Variants in JAKMIP3 observed in about 807,000 individuals in gnomAD.
JAKMIP3 encodes janus kinase and microtubule-interacting protein 3.
JAKMIP3 carries 58 observed loss-of-function variants against 118.5 expected under a neutral mutation model. The observed-to-expected ratio is 0.49, with a 90% confidence interval of 0.40 to 0.61. The LOEUF is 0.61. Among genes scored for constraint, JAKMIP3 ranks in the 20% least tolerant of loss-of-function variants. JAKMIP3 has a pLI of 0.00. For missense variants in JAKMIP3, 950 were observed against 1,109.0 expected, an observed-to-expected ratio of 0.86 and a Z score of 2.04; for synonymous variants, 486 against 451.2, an observed-to-expected ratio of 1.08 and a Z score of -0.98.
chr10:132,100,783 C>G (rs974280036), intron 1 of JAKMIP3, among the ~76,000 whole-genome samples: 17 of 151,756 alleles, frequency 1.1e-4, no homozygotes, highest in African/African-American at 4.1e-4. Flanking sequence ...CCCTTTCTCT[C>G]GGCATGAGGA....
intron 2 of JAKMIP3, among the ~76,000 whole-genome samples, chr10:132,115,203 G>A (rs956724247): frequency 4.0e-5 from 4 of 99,394 alleles, no homozygotes; most frequent in Non-Finnish European, 8.5e-5. Context: ...CACCGCGATC[G>A]CGGCTAGGGG....
At position 132,180,738 on chromosome 10, in the gene JAKMIP3, C is replaced by CGCGTGT. The variant is rs1565021635; in HGVS notation, c.*1104-1618_*1104-1617insCGTGTG. On this transcript the variant is annotated intron_variant, in intron 23 of 23. Transcript: ENST00000684848. ...GTGTGTGCGTGTGTGTGCGTGTGTGCGTGCGTGCGCGCGCGTGTGTGCGTG... is the reference window on the plus strand; with the variant it reads ...GTGTGTGCGTGTGTGTGCGTGTGTGCGCGTGTGTGCGTGCGCGCGCGTGTGTGCGTG... Among the ~76,000 whole-genome samples, 14 of 7,480 alleles carry CGCGTGT rather than the reference C, an allele frequency of 1.9e-3. 2 individuals are homozygous for CGCGTGT. The highest frequency in any genetic ancestry group is 3.1e-3 in the Non-Finnish European group (12 of 3,838). The allele number at this position is 7,480 out of a possible 152,430, so 4.9% of individuals were successfully genotyped here.
chr10:132,059,665 C>A (rs943694656), intron 1 of JAKMIP3, among the ~76,000 whole-genome samples: 1 of 152,200 alleles, frequency 6.6e-6, no homozygotes, highest in African/African-American at 2.4e-5. Flanking sequence ...TCGCAGCAGG[C>A]GCTTAGTGGG....
At chr10:132,068,420 A>G (rs956399583) in intron 1 of JAKMIP3, among the ~76,000 whole-genome samples, 2 of 152,188 alleles carry the variant, frequency 1.3e-5, no homozygotes, top group Non-Finnish European at 2.9e-5. Flanking sequence ...GACACTAGCC[A>G]CTGAGATGAC....
chr10:132,119,794 A>G (rs182246616), intron 3 of JAKMIP3, among the ~76,000 whole-genome samples: 1 of 152,374 alleles, frequency 6.6e-6, no homozygotes, highest in African/African-American at 2.4e-5. Flanking sequence ...AGCAGAGGGT[A>G]TAATCATGAC....
At chr10:132,102,609 C>G (rs1268682470) in intron 1 of JAKMIP3, among the ~76,000 whole-genome samples, 3 of 152,224 alleles carry the variant, frequency 2.0e-5, no homozygotes, top group African/African-American at 7.2e-5. Flanking sequence ...CCTCGTGGTT[C>G]CTGGGTGTCT....
chr10:132,180,778 T>TGCGTGC lies in JAKMIP3; in HGVS notation c.*1104-1578_*1104-1577insCGTGCG, dbSNP rs1409189501. 7.4e-3 allele frequency among the ~76,000 whole-genome samples: 341 copies of TGCGTGC among 46,394 alleles called. 98 individuals carry two copies. The highest frequency in any genetic ancestry group is 0.02 in the African/African-American group (316 of 15,460). The allele number at this position is 46,394 out of a possible 152,430, so 30.4% of individuals were successfully genotyped here. A position where few individuals can be genotyped will look rare whatever the true frequency, so the allele number is the denominator to read the frequency against. On this transcript the variant is annotated intron_variant, in intron 23 of 23. Transcript: ENST00000684848. ...GTGTGTGCGTGTGTGTGCGTGTGTGTGTGTGCGCGTATGCATGTGCTGTGA... is the reference window on the plus strand; with the variant it reads ...GTGTGTGCGTGTGTGTGCGTGTGTGTGCGTGCGTGTGCGCGTATGCATGTGCTGTGA...
intron 3 of JAKMIP3, among the ~76,000 whole-genome samples, chr10:132,123,102 A>G (rs940269511): frequency 1.3e-5 from 2 of 152,148 alleles, no homozygotes; most frequent in Non-Finnish European, 2.9e-5. Flanking sequence ...TCTTGGCCAA[A>G]TTTCTGCTAA....
Position 132,049,143 on chromosome 10 carries a change from T to C in JAKMIP3, c.-138+12405T>C, listed in dbSNP as rs1396849089. Among the ~76,000 whole-genome samples the C allele has an allele frequency of 2.0e-5, 3 of 152,212 alleles. No homozygotes were observed. Among genetic ancestry groups the C allele is most frequent in the Non-Finnish European group, 4.4e-5 (3 of 68,038 alleles). The stretch of plus-strand genomic sequence containing the variant: ...TATCTTTAGCTCTGAAATGGAATAG[T>C]TTCACCAGCATGTCTCAAAGTTGGT... On this transcript the variant is annotated intron_variant, in intron 1 of 23. Transcript: ENST00000657785. The surrounding 1 kb of genome is among the most constrained non-coding windows in gnomAD (Gnocchi z 4.3).
At chr10:132,129,584 C>G (rs962008916) in intron 3 of JAKMIP3, among the ~76,000 whole-genome samples, 2 of 152,212 alleles carry the variant, frequency 1.3e-5, no homozygotes, top group Admixed American at 6.5e-5. Context: ...CTCTGTTTCC[C>G]AGGAGAGAGG....
chr10:132,150,136 C>T (rs2055805927), intron 16 of JAKMIP3, 95 bp downstream of exon 16: 2 of 1,003,040 alleles, frequency 2.0e-6, no homozygotes, highest in South Asian at 1.5e-5. Flanking sequence ...CCTCCCACAG[C>T]CCTGCCATGG....
chr10:132,078,534 TCTC>T (rs960720372), intron 1 of JAKMIP3, among the ~76,000 whole-genome samples: 12 of 151,440 alleles, frequency 7.9e-5, no homozygotes, highest in African/African-American at 2.4e-4. Flanking sequence ...TAGATTCATT[TCTC>T]CTCAAGTCAG....
At chr10:132,053,491 A>G (rs573842195) in intron 1 of JAKMIP3, among the ~76,000 whole-genome samples, 1 of 152,360 alleles carries the variant, frequency 6.6e-6, no homozygotes, top group Non-Finnish European at 1.5e-5. Context: ...GAATGCCCTC[A>G]GGCGAACACT....
chr10:132,078,625 G>A (rs12761392), intron 1 of JAKMIP3, among the ~76,000 whole-genome samples: 23,171 of 140,918 alleles, frequency 0.16, 2,256 homozygotes, highest in East Asian at 0.35. Flanking sequence ...GGGGCGGGGG[G>A]GGGGGGGGGT....
At position 132,039,510 on chromosome 10, in the gene JAKMIP3, C is replaced by T. The variant is rs996903857; in HGVS notation, c.-138+2772C>T. 5.9e-5 allele frequency among the ~76,000 whole-genome samples: 9 copies of T among 152,148 alleles called. No individual in the cohort carries two copies. In the South Asian group the frequency reaches 1.0e-3, roughly 18 times the overall value. ...TGGCCCCTGGACAGCGTGGTCCCTG[C>T]AAGGCTGAGAGGCCTGGCCCTCTAC... On this transcript the variant is annotated intron_variant, in intron 1 of 23. Transcript: ENST00000657785.
At chr10:132,171,648 CTTTCT>C (rs2059497735) in intron 23 of JAKMIP3, among the ~76,000 whole-genome samples, 2 of 125,554 alleles carry the variant, frequency 1.6e-5, no homozygotes, top group African/African-American at 3.3e-5. Flanking sequence ...TTATTTTTTT[CTTTCT>C]TTTTTTTTTT....
intron 1 of JAKMIP3, among the ~76,000 whole-genome samples, chr10:132,100,539 C>G (rs980381439): frequency 2.0e-5 from 3 of 152,118 alleles, no homozygotes; most frequent in African/African-American, 7.2e-5. Flanking sequence ...TGGTTCCTTA[C>G]GAGGGTTGGG....
intron 23 of JAKMIP3, among the ~76,000 whole-genome samples, chr10:132,174,808 G>A (rs1230088790): frequency 6.6e-6 from 1 of 152,190 alleles, no homozygotes; most frequent in Non-Finnish European, 1.5e-5. Context: ...TTCCAATAGA[G>A]GGGGAGTGGC....
At chr10:132,149,196 C>A (rs1339578763) in intron 14 of JAKMIP3, among the ~76,000 whole-genome samples, 1 of 152,098 alleles carries the variant, frequency 6.6e-6, no homozygotes, top group Non-Finnish European at 1.5e-5. Flanking sequence ...CCCGGCACAT[C>A]TGGGGTCAGC....
Sources: allele counts gnomAD v4.1 joint callset (sites outside exome capture counted in the v4.1 genomes callset), GRCh38; gene constraint gnomAD v4.1.1; non-coding constraint Gnocchi (gnomAD v3.1); transcripts MANE v1.5; gene names NCBI Gene and HGNC (gene_info 2026-07-23, HGNC 2026-07-21).